RSRP1: variants seen among roughly 807,000 people sequenced by gnomAD.
The protein encoded by RSRP1 is arginine/serine-rich protein 1.
RSRP1 carries 37 observed loss-of-function variants against 33.0 expected under a neutral mutation model. The ratio of observed to expected loss-of-function variants is 1.12; its 90% confidence interval spans 0.86 to 1.48. The LOEUF (loss-of-function observed/expected upper bound fraction) is 1.48, where lower values mean the gene tolerates loss of function less well. RSRP1 is among the 40% of genes most tolerant of loss of function. The pLI is 0.00. For missense variants in RSRP1, 402 were observed against 385.3 expected, an observed-to-expected ratio of 1.04 and a Z score of -0.36; for synonymous variants, 167 against 158.7, an observed-to-expected ratio of 1.05 and a Z score of -0.40.
chr1:25,310,973 C>CAA (rs1158185993), intron 1 of RSRP1, among the ~76,000 whole-genome samples: 3 of 74,612 alleles, frequency 4.0e-5, no homozygotes, highest in African/African-American at 9.2e-5. Flanking sequence ...AACTCCATCT[C>CAA]AAAAAAAAAA....
In RSRP1 at chr1:25,290,440, C is replaced by A. The variant is rs577681623; in HGVS notation, c.-66-43411G>T. Among the ~76,000 whole-genome samples, 461 of 127,622 alleles carry A rather than the reference C, an allele frequency of 3.6e-3. 54 individuals are homozygous for A. The highest frequency in any genetic ancestry group is 0.012 in the African/African-American group (447 of 37,332). The allele number at this position is 127,622 out of a possible 152,430, so 83.7% of individuals were successfully genotyped here. A position where few individuals can be genotyped will look rare whatever the true frequency, so the allele number is the denominator to read the frequency against. On this transcript the variant is annotated intron_variant, in intron 1 of 1. Transcript: ENST00000561867. The stretch of plus-strand genomic sequence containing the variant: ...GACCACATGGCTCAGGGTGCAGAGG[C>A]CACCTTAACGGGAGAAGAGATGGTC...
At chr1:25,278,510 G>A (rs1641209302) in intron 1 of RSRP1, among the ~76,000 whole-genome samples, 1 of 131,832 alleles carries the variant, frequency 7.6e-6, no homozygotes, top group Non-Finnish European at 1.8e-5. Context: ...GTTTCACCCA[G>A]GGTCATTCAT....
At chr1:25,244,400 G>A (rs1013480797) in intron 3 of RSRP1, 46 of 1,289,234 alleles carry the variant, frequency 3.6e-5, no homozygotes, top group Non-Finnish European at 4.7e-5. Flanking sequence ...TTTTCAGTGT[G>A]TGAACATAAA....
At chr1:25,273,093 T>G (rs1640631086) in intron 1 of RSRP1, among the ~76,000 whole-genome samples, 1 of 131,160 alleles carries the variant, frequency 7.6e-6, no homozygotes. Flanking sequence ...AATTTCATGT[T>G]GTTGGGTTTT....
intron 1 of RSRP1, among the ~76,000 whole-genome samples, chr1:25,261,846 G>C (rs533549683): frequency 4.6e-4 from 69 of 150,920 alleles, no homozygotes; most frequent in African/African-American, 1.6e-3. Context: ...CGTGTAGCTG[G>C]GATCACAGGC....
At chr1:25,331,590 C>CA (rs1645008054) in intron 1 of RSRP1, among the ~76,000 whole-genome samples, 1 of 80,508 alleles carries the variant, frequency 1.2e-5, no homozygotes, top group African/African-American at 3.8e-5. Context: ...TTTTTTGAGA[C>CA]AGAGTCTTGC....
rs548365632 is a variant in RSRP1, at chr1:25,321,657, G to C, written c.-67+16321C>G. ...TGTACTCCAGCCTGGGCGATAGAGT[G>C]AGACTCTGTCTCAAAATAAATAAAA... On this transcript the variant is annotated intron_variant, in intron 1 of 1. Transcript: ENST00000561867. Among the ~76,000 whole-genome samples the C allele has an allele frequency of 7.2e-4, 33 of 45,520 alleles. 10 individuals are homozygous for C. The highest frequency in any genetic ancestry group is 1.9e-3 in the Non-Finnish European group (30 of 15,622). 29.9% of individuals were successfully genotyped at this position (45,520 alleles called of 152,430 possible). A position where few individuals can be genotyped will look rare whatever the true frequency, so the allele number is the denominator to read the frequency against.
intron 1 of RSRP1, among the ~76,000 whole-genome samples, chr1:25,285,448 T>C (rs2124625109): frequency 7.4e-6 from 1 of 135,228 alleles, no homozygotes; most frequent in African/African-American, 2.5e-5. Flanking sequence ...AGACATTCTC[T>C]TGAAAAGAAA....
rs139763093 is a variant in RSRP1, at chr1:25,245,577, T to A, written c.521-276A>T. Among the ~76,000 whole-genome samples, 11 of 152,282 alleles carry A rather than the reference T, an allele frequency of 7.2e-5. No individual in the cohort carries two copies. In the East Asian group the frequency reaches 2.1e-3, roughly 29 times the overall value. The stretch of plus-strand genomic sequence containing the variant: ...AGTGTGCGCGAGGGTTCCATATGCA[T>A]CCTGGCACCAATCCCCCGAGTGAAC... On this transcript the variant is annotated intron_variant, in intron 2 of 4. Coordinates refer to ENST00000243189, the MANE Select transcript of RSRP1 (RefSeq NM_020317.5).
At chr1:25,277,651 C>G (rs1641127142) in intron 1 of RSRP1, among the ~76,000 whole-genome samples, 1 of 128,436 alleles carries the variant, frequency 7.8e-6, no homozygotes, top group South Asian at 2.4e-4. Flanking sequence ...TGAATTGACA[C>G]ACATAAAGAG....
chr1:25,322,430 T>A lies in RSRP1; in HGVS notation c.-67+15548A>T, dbSNP rs1326549928. Among the ~76,000 whole-genome samples the A allele has an allele frequency of 3.8e-5, 5 of 133,160 alleles. No individual in the cohort carries two copies. The East Asian group carries it at 9.8e-4, about 26-fold the overall frequency. 87.4% of individuals were successfully genotyped at this position (133,160 alleles called of 152,430 possible). A position where few individuals can be genotyped will look rare whatever the true frequency, so the allele number is the denominator to read the frequency against. ...GCTCACGCCTGTGATCCCAGCACTT[T>A]GGGAGGCTGAGGTGGGGCGATCACC... On this transcript the variant is annotated intron_variant, in intron 1 of 1. Transcript: ENST00000561867.
intron 1 of RSRP1, chr1:25,301,032 A>G (rs754894329): frequency 7.3e-7 from 1 of 1,377,164 alleles, no homozygotes; most frequent in Non-Finnish European, 1.0e-6. Context: ...CAAAGCCTCT[A>G]CCCGAGGGAA....
rs1392732727 is a variant in RSRP1 at position 25,301,772 on chromosome 1, G to T, written c.-67+36206C>A. On this transcript the variant is annotated intron_variant, in intron 1 of 1. Coordinates refer to the RSRP1 transcript ENST00000561867. Reference sequence around the variant, plus strand: ...TGCCCCTCCCCACCCCAGGGCCAGCGTGGGTTGGGAGAGGGCATGCCGGGT... The same window carrying T: ...TGCCCCTCCCCACCCCAGGGCCAGCTTGGGTTGGGAGAGGGCATGCCGGGT... The T allele has an allele frequency of 1.1e-5, 11 of 1,016,550 alleles. 3 individuals carry two copies. In the South Asian group the frequency reaches 1.3e-4, roughly 12 times the overall value. 63.0% of individuals were successfully genotyped at this position (1,016,550 alleles called of 1,614,324 possible).
At chr1:25,246,323 A>G in intron 2 of RSRP1, 121 bp downstream of exon 2, 6 of 1,462,074 alleles carry the variant, frequency 4.1e-6, no homozygotes, top group Non-Finnish European at 5.5e-6. Context: ...TCTTTCCTCC[A>G]AAAAGATTTC....
chr1:25,315,034 G>C lies in RSRP1; in HGVS notation c.-67+22944C>G, dbSNP rs2427764. Among the ~76,000 whole-genome samples, 4 of 128,858 alleles carry C rather than the reference G, an allele frequency of 3.1e-5. 1 individual carries two copies. The highest frequency in any genetic ancestry group is 2.0e-4 in the East Asian group (1 of 5,090). The allele number at this position is 128,858 out of a possible 152,430, so 84.5% of individuals were successfully genotyped here. On this transcript the variant is annotated intron_variant, in intron 1 of 1. Coordinates refer to the RSRP1 transcript ENST00000561867. Reference sequence around the variant, plus strand: ...CCTGGCCAACATGGTGAAGCCCTGTGCCTACTAAAAATACAAAAAATTAGC... The same window carrying C: ...CCTGGCCAACATGGTGAAGCCCTGTCCCTACTAAAAATACAAAAAATTAGC...
At chr1:25,247,101 G>C (rs1639510192) in intron 1 of RSRP1, 72 bp from the exon 2 acceptor site, 1 of 966,848 alleles carries the variant, frequency 1.0e-6, no homozygotes, top group Non-Finnish European at 1.4e-6. Context: ...AGCCACAGTC[G>C]GGGAACCTCC....
intron 1 of RSRP1, among the ~76,000 whole-genome samples, chr1:25,313,466 C>T (rs1644272866): frequency 7.5e-6 from 1 of 132,568 alleles, no homozygotes; most frequent in Non-Finnish European, 1.8e-5. Flanking sequence ...TGAGATTCAT[C>T]CAGGTTGTTA....
chr1:25,288,776 C>T (rs1261124022), intron 1 of RSRP1, among the ~76,000 whole-genome samples: 2 of 126,532 alleles, frequency 1.6e-5, no homozygotes, highest in Non-Finnish European at 3.7e-5. Context: ...ACCTCCTCAG[C>T]ACAAACTGGC....
Position 25,305,593 on chromosome 1 carries a change from T to C in RSRP1, c.-67+32385A>G, listed in dbSNP as rs181941816. Among the ~76,000 whole-genome samples, 40 of 118,800 alleles carry C rather than the reference T, an allele frequency of 3.4e-4. 8 individuals are homozygous for C. Among genetic ancestry groups the C allele is most frequent in the Middle Eastern group, 4.2e-3 (1 of 240 alleles). 77.9% of individuals were successfully genotyped at this position (118,800 alleles called of 152,430 possible). The stretch of plus-strand genomic sequence containing the variant: ...CGTGTGTGTATGTATTTTGTTGTTG[T>C]TGTTGTTGTTGTTGTTGTTGTTGTT... On this transcript the variant is annotated intron_variant, in intron 1 of 1. Coordinates refer to the RSRP1 transcript ENST00000561867.
Sources: gnomAD v4.1 joint callset for allele counts (sites outside exome capture counted in the v4.1 genomes callset) on GRCh38, gnomAD v4.1.1 for gene constraint, MANE v1.5 for transcripts, NCBI Gene and HGNC (gene_info 2026-07-23, HGNC 2026-07-21) for gene names.